Variants in ARHGAP35 observed in about 807,000 individuals in gnomAD.
ARHGAP35 encodes Rho GTPase activating protein 35.
In ARHGAP35, 15 loss-of-function variants were observed where a neutral mutation model predicts 111.1. That is an observed-to-expected ratio of 0.13 (90% CI 0.09 to 0.21). The LOEUF (loss-of-function observed/expected upper bound fraction) is 0.21, where lower values mean the gene tolerates loss of function less well. ARHGAP35 is among the 10% of genes least tolerant of loss of function. The pLI is 1.00. For synonymous variants in ARHGAP35, 643 were observed against 710.3 expected (o/e 0.91, Z 1.51); for missense variants, 1,262 against 1,873.0 (o/e 0.67, Z 6.02).
intron 3 of ARHGAP35, among the ~76,000 whole-genome samples, chr19:46,968,282 ACAG>A (rs1366761227): frequency 6.6e-6 from 1 of 152,240 alleles, no homozygotes; most frequent in African/African-American, 2.4e-5. Context: ...GTGTAGGGGC[ACAG>A]CATGTGTGTT....
chr19:46,933,875 T>A (rs2056288312), intron 2 of ARHGAP35, among the ~76,000 whole-genome samples: 1 of 152,220 alleles, frequency 6.6e-6, no homozygotes, highest in Non-Finnish European at 1.5e-5. Flanking sequence ...TGATGAAGGC[T>A]AAATTTCCTG....
At chr19:46,966,145 TA>T (rs1379008428) in intron 3 of ARHGAP35, among the ~76,000 whole-genome samples, 1 of 152,224 alleles carries the variant, frequency 6.6e-6, no homozygotes, top group East Asian at 1.9e-4. Context: ...CTTTTAAAGA[TA>T]TTTTTGGTAT....
intron 2 of ARHGAP35, among the ~76,000 whole-genome samples, chr19:46,923,843 C>A (rs1477144671): frequency 4.6e-5 from 7 of 151,286 alleles, no homozygotes; most frequent in African/African-American, 1.7e-4. Context: ...ATCACGTGAA[C>A]CTGGGAGGCA....
intron 3 of ARHGAP35, among the ~76,000 whole-genome samples, chr19:46,966,205 T>C (rs2056514395): frequency 6.6e-6 from 1 of 152,240 alleles, no homozygotes; most frequent in Non-Finnish European, 1.5e-5. Context: ...TATTATTTTA[T>C]TTAGTGCATT....
At position 46,920,290 on chromosome 19, in the gene ARHGAP35, G is replaced by A. The variant is rs1246037198; in HGVS notation, c.1615G>A (p.Glu539Lys). ...RFKALQKLQAERDALILKHIH... is the reference protein window; with the variant it reads ...RFKALQKLQAKRDALILKHIH... ...TAAAGCATTACAAAAGCTCCAAGCA[G>A]AGCGTGATGCCCTTATTCTGAAACA... Residue 539 changes from glutamate to lysine, a missense_variant, in exon 2 of 7, where the codon GAG becomes AAG. Transcript: ENST00000672722. The surrounding 1 kb of genome is among the most constrained non-coding windows in gnomAD (Gnocchi z 7.0). The A allele has an allele frequency of 6.2e-7, 1 of 1,613,872 alleles. No individual in the cohort carries two copies. The highest frequency in any genetic ancestry group is 1.3e-5 in the African/African-American group (1 of 74,912).
At position 46,920,281 on chromosome 19, in the gene ARHGAP35, C is replaced by T; in HGVS notation, c.1606C>T (p.Leu536Phe). 6.2e-7 allele frequency: 1 copy of T among 1,613,990 alleles called. No individual in the cohort carries two copies. Among genetic ancestry groups the T allele is most frequent in the Non-Finnish European group, 8.5e-7 (1 of 1,179,890 alleles). Residue 536 changes from leucine (L) to phenylalanine (F), a missense_variant, in exon 2 of 7, where the codon CTC becomes TTC. Transcript: ENST00000672722. The surrounding 1 kb of genome is among the most constrained non-coding windows in gnomAD (Gnocchi z 7.0). The stretch of plus-strand genomic sequence containing the variant: ...ACAGCGATTTAAAGCATTACAAAAG[C>T]TCCAAGCAGAGCGTGATGCCCTTAT... ...EEQRFKALQK[L>F]QAERDALILK...
chr19:46,891,683 C>A (rs2122152858), intron 1 of ARHGAP35, among the ~76,000 whole-genome samples: 1 of 152,170 alleles, frequency 6.6e-6, no homozygotes, highest in East Asian at 1.9e-4. Flanking sequence ...CCTGAGCCTC[C>A]CAAAGTGCTG....
chr19:46,997,157 A>G (rs1424045063), intron 5 of ARHGAP35, among the ~76,000 whole-genome samples: 3 of 152,120 alleles, frequency 2.0e-5, no homozygotes, highest in Non-Finnish European at 2.9e-5. Context: ...ACTCCATTTC[A>G]AAAAAAGAAA....
intron 2 of ARHGAP35, among the ~76,000 whole-genome samples, chr19:46,923,038 A>G (rs2056212920): frequency 6.6e-6 from 1 of 152,112 alleles, no homozygotes; most frequent in South Asian, 2.1e-4. Context: ...AGAAAAAGTT[A>G]ACTGTATACA....
chr19:46,957,595 G>T (rs2056447679), intron 3 of ARHGAP35, among the ~76,000 whole-genome samples: 1 of 152,170 alleles, frequency 6.6e-6, no homozygotes, highest in African/African-American at 2.4e-5. Flanking sequence ...ACCGGCAATA[G>T]AGTTAAACCC....
At chr19:46,996,083 T>C (rs2122355799) in intron 5 of ARHGAP35, among the ~76,000 whole-genome samples, 1 of 152,232 alleles carries the variant, frequency 6.6e-6, no homozygotes, top group South Asian at 2.1e-4. Context: ...GAGGCTGGGA[T>C]TCTAGGGGGC....
Position 46,989,641 on chromosome 19 carries a change from GT to G in ARHGAP35, c.4003del (p.Tyr1335IlefsTer27). On this transcript the variant is annotated frameshift_variant, in exon 5 of 7. Coordinates refer to ENST00000672722, the MANE Select transcript of ARHGAP35 (RefSeq NM_004491.5). LOFTEE classifies it high-confidence loss of function. This position sits in a 1 kb window ranked among gnomAD's most constrained non-coding sequence, Gnocchi z 5.3. ...CAGAACTGCCTGACCCCCTGGTCCCGTATAACATGCAGATCGACTTGGTGGA... is the reference window on the plus strand; with the variant it reads ...CAGAACTGCCTGACCCCCTGGTCCCGATAACATGCAGATCGACTTGGTGGA... ...FSELPDPLVPYNMQIDLVEAH... is the reference protein window; with the variant it reads ...FSELPDPLVPXNMQIDLVEAH... 6.2e-7 allele frequency: 1 copy of G among 1,613,910 alleles called. No homozygotes were observed. The highest frequency in any genetic ancestry group is 8.5e-7 in the Non-Finnish European group (1 of 1,179,830).
chr19:47,002,290 C>T lies in ARHGAP35; in HGVS notation c.*1602C>T, dbSNP rs55969841. Reference sequence around the variant, plus strand: ...CGTCTGCAGCTGCCCTGCCCGTGCCCGCCTGCAGTGGTTGGAGACGGGAGT... The same window carrying T: ...CGTCTGCAGCTGCCCTGCCCGTGCCTGCCTGCAGTGGTTGGAGACGGGAGT... On this transcript the variant is annotated 3_prime_UTR_variant, in exon 7 of 7. Coordinates refer to ENST00000672722, the MANE Select transcript of ARHGAP35 (RefSeq NM_004491.5). 0.012 allele frequency: 1,821 copies of T among 152,886 alleles called. 39 individuals are homozygous for T. The highest frequency in any genetic ancestry group is 0.014 in the Middle Eastern group (4 of 294). The allele number at this position is 152,886 out of a possible 1,614,324, so 9.5% of individuals were successfully genotyped here. A position where few individuals can be genotyped will look rare whatever the true frequency, so the allele number is the denominator to read the frequency against.
chr19:46,939,420 A>T (rs1056743257), intron 3 of ARHGAP35, among the ~76,000 whole-genome samples: 11 of 146,172 alleles, frequency 7.5e-5, no homozygotes, highest in African/African-American at 2.5e-4. Flanking sequence ...TTTATTATTT[A>T]ATTTTTTTAG....
At chr19:46,996,762 T>C (rs2056711139) in intron 5 of ARHGAP35, among the ~76,000 whole-genome samples, 1 of 152,264 alleles carries the variant, frequency 6.6e-6, no homozygotes, top group African/African-American at 2.4e-5. Context: ...TTGTGTTTTC[T>C]AATACGGTCT....
rs1348564250 is a variant in ARHGAP35 at position 46,999,275 on chromosome 19, G to A, written c.4037-29G>A. 3 of 1,531,454 alleles carry A rather than the reference G, an allele frequency of 2.0e-6. No homozygotes were observed. In the African/African-American group the frequency reaches 4.1e-5, roughly 21 times the overall value. The allele number at this position is 1,531,454 out of a possible 1,614,324, so 94.9% of individuals were successfully genotyped here. On this transcript the variant is annotated intron_variant, in intron 5 of 6. Coordinates refer to ENST00000672722, the MANE Select transcript of ARHGAP35 (RefSeq NM_004491.5). The surrounding 1 kb of genome is among the most constrained non-coding windows in gnomAD (Gnocchi z 5.4). ...GTGGCCACCAGCCTCGGCCATGAAAGGCAAGGCTTTGGTTTTCTCTCTCCT... is the reference window on the plus strand; with the variant it reads ...GTGGCCACCAGCCTCGGCCATGAAAAGCAAGGCTTTGGTTTTCTCTCTCCT...
intron 3 of ARHGAP35, among the ~76,000 whole-genome samples, chr19:46,964,513 C>CT (rs1223010602): frequency 1.3e-5 from 2 of 152,214 alleles, no homozygotes; most frequent in Non-Finnish European, 2.9e-5. Flanking sequence ...CCACATCAGC[C>CT]TCCTAAAGTG....
Position 46,999,106 on chromosome 19 carries a change from CAG to C in ARHGAP35, c.4037-195_4037-194del. ...CGCCCTTCAGCGGGGGCCTGGGACA[CAG>C]AGGTGGGCCAGACCCCTGGGCCAGT... On this transcript the variant is annotated intron_variant, in intron 5 of 6. Coordinates refer to ENST00000672722, the MANE Select transcript of ARHGAP35 (RefSeq NM_004491.5). This position sits in a 1 kb window ranked among gnomAD's most constrained non-coding sequence, Gnocchi z 5.4. 3.5e-6 allele frequency: 2 copies of C among 571,780 alleles called. No individual in the cohort carries two copies. Among genetic ancestry groups the C allele is most frequent in the Non-Finnish European group, 6.2e-6 (2 of 321,556 alleles). The allele number at this position is 571,780 out of a possible 1,614,324, so 35.4% of individuals were successfully genotyped here. A position where few individuals can be genotyped will look rare whatever the true frequency, so the allele number is the denominator to read the frequency against.
Position 46,919,371 on chromosome 19 carries a change from C to G in ARHGAP35, c.696C>G (p.Ser232=). ...NLQVVETSAR[S]NVNVDLAFST... is the part of the protein sequence containing the mutation. ...AGGTTGTGGAGACCTCAGCGAGATC[C>G]AATGTAAACGTGGACTTGGCTTTCA... The change falls in exon 2 of 7, where the codon TCC becomes TCG. Residue 232 remains serine, a synonymous_variant. Coordinates refer to ENST00000672722, the MANE Select transcript of ARHGAP35 (RefSeq NM_004491.5). This position sits in a 1 kb window ranked among gnomAD's most constrained non-coding sequence, Gnocchi z 6.2. 1.2e-6 allele frequency: 2 copies of G among 1,613,906 alleles called. No individual in the cohort carries two copies. Among genetic ancestry groups the G allele is most frequent in the Non-Finnish European group, 1.7e-6 (2 of 1,179,884 alleles).
Sources: gnomAD v4.1 joint callset for allele counts (sites outside exome capture counted in the v4.1 genomes callset) on GRCh38, gnomAD v4.1.1 for gene constraint, Gnocchi (gnomAD v3.1) non-coding constraint, MANE v1.5 for transcripts, NCBI Gene and HGNC (gene_info 2026-07-23, HGNC 2026-07-21) for gene names.